The following TMEM200A variants were observed in gnomAD, a reference collection of about 807,000 sequenced individuals.
TMEM200A encodes the protein two transmembrane C.
Under a neutral mutation model 24.3 loss-of-function variants are expected in TMEM200A, and 12 were observed. The ratio of observed to expected loss-of-function variants is 0.49; its 90% CI spans 0.32 to 0.80. The LOEUF (loss-of-function observed/expected upper bound fraction) is 0.80. TMEM200A is among the 30% of genes least tolerant of loss of function. The probability of loss-of-function intolerance (pLI) is 0.04; values close to 1 mark genes in which losing one functional copy is unlikely to be tolerated. For missense variants in TMEM200A, 545 were observed against 614.4 expected, an observed-to-expected ratio of 0.89 and a Z score of 1.19; for synonymous variants, 224 against 224.4, an observed-to-expected ratio of 1.00 and a Z score of 0.02.
At chr6:130,426,037 G>A (rs761676802) in intron 2 of TMEM200A, among the ~76,000 whole-genome samples, 2 of 152,130 alleles carry the variant, frequency 1.3e-5, no homozygotes, top group African/African-American at 2.4e-5. Context: ...AGAAAACTGC[G>A]GTTGAAGTAA....
intron 1 of TMEM200A, among the ~76,000 whole-genome samples, chr6:130,373,469 T>C (rs1323621308): frequency 1.3e-5 from 2 of 152,348 alleles, no homozygotes; most frequent in East Asian, 1.9e-4. Context: ...CAACCTACTC[T>C]GTTTGCTTAA....
At chr6:130,395,189 A>G (rs769595190) in intron 2 of TMEM200A, among the ~76,000 whole-genome samples, 21 of 152,336 alleles carry the variant, frequency 1.4e-4, no homozygotes, top group Non-Finnish European at 2.6e-4. Flanking sequence ...ACACGCACAC[A>G]GAAGATTCTG....
intron 2 of TMEM200A, among the ~76,000 whole-genome samples, chr6:130,435,907 T>G (rs991717907): frequency 2.6e-5 from 4 of 152,186 alleles, no homozygotes; most frequent in African/African-American, 9.7e-5. Flanking sequence ...TATGGACAGG[T>G]GCAAGAGGCC....
intron 1 of TMEM200A, among the ~76,000 whole-genome samples, chr6:130,376,269 CAATT>C (rs1362288768): frequency 2.0e-5 from 3 of 152,082 alleles, no homozygotes; most frequent in Admixed American, 6.5e-5. Flanking sequence ...TTATCACATT[CAATT>C]AATTAATTAT....
chr6:130,372,109 C>T (rs1249647174), intron 1 of TMEM200A, among the ~76,000 whole-genome samples: 1 of 152,206 alleles, frequency 6.6e-6, no homozygotes, highest in Non-Finnish European at 1.5e-5. Context: ...AGTGAAAGAG[C>T]TGGCATGGAA....
At chr6:130,384,673 T>G (rs919704884) in intron 1 of TMEM200A, among the ~76,000 whole-genome samples, 1 of 152,238 alleles carries the variant, frequency 6.6e-6, no homozygotes, top group Non-Finnish European at 1.5e-5. Context: ...CTTCAAACTT[T>G]CCTTTGTAGT....
At chr6:130,410,787 GT>G (rs1245154684) in intron 2 of TMEM200A, among the ~76,000 whole-genome samples, 1 of 152,202 alleles carries the variant, frequency 6.6e-6, no homozygotes, top group Non-Finnish European at 1.5e-5. Flanking sequence ...TTAAGAATAA[GT>G]TGTCAGTGTT....
intron 1 of TMEM200A, among the ~76,000 whole-genome samples, chr6:130,380,297 C>G (rs1778564291): frequency 6.6e-6 from 1 of 152,186 alleles, no homozygotes; most frequent in South Asian, 2.1e-4. Context: ...ACTGTCAACT[C>G]CATTGCTGCC....
chr6:130,411,233 G>A (rs1236019323), intron 2 of TMEM200A, among the ~76,000 whole-genome samples: 4 of 151,842 alleles, frequency 2.6e-5, no homozygotes, highest in African/African-American at 9.7e-5. Context: ...ACCAGTAGTT[G>A]ACTGTGTTGG....
In TMEM200A at chr6:130,440,938, G is replaced by A. The variant is rs143602233; in HGVS notation, c.516G>A (p.Thr172=). Residue 172 remains threonine (T), a synonymous_variant, in exon 3 of 3, where the codon ACG becomes ACA. Transcript: ENST00000296978. ...ATTCCACAGTCATTGACATTCACACGCTAAGAATCAAGGAGCAAAGGCAAA... is the reference window on the plus strand; with the variant it reads ...ATTCCACAGTCATTGACATTCACACACTAAGAATCAAGGAGCAAAGGCAAA... The part of the protein sequence containing the change: ...DIYSTVIDIH[T]LRIKEQRQMN... 31 of 1,613,850 alleles carry A rather than the reference G, an allele frequency of 1.9e-5. No individual in the cohort carries two copies. Among genetic ancestry groups the A allele is most frequent in the South Asian group, 8.8e-5 (8 of 91,084 alleles).
chr6:130,424,906 G>A (rs891683255), intron 2 of TMEM200A, among the ~76,000 whole-genome samples: 6 of 151,830 alleles, frequency 4.0e-5, no homozygotes, highest in Non-Finnish European at 7.4e-5. Context: ...TGATTTTCCC[G>A]GCTGGGAATT....
intron 1 of TMEM200A, among the ~76,000 whole-genome samples, chr6:130,377,573 G>A (rs1255952323): frequency 6.6e-6 from 1 of 152,156 alleles, no homozygotes. Flanking sequence ...ATTGACTTCA[G>A]AGTACAGTGA....
chr6:130,391,943 C>T (rs1317677750), intron 2 of TMEM200A, among the ~76,000 whole-genome samples: 1 of 151,970 alleles, frequency 6.6e-6, no homozygotes, highest in Non-Finnish European at 1.5e-5. Flanking sequence ...CAAAGTTTCA[C>T]CGCGTTAGCC....
At chr6:130,408,758 A>C (rs1779264516) in intron 2 of TMEM200A, among the ~76,000 whole-genome samples, 1 of 152,150 alleles carries the variant, frequency 6.6e-6, no homozygotes, top group Non-Finnish European at 1.5e-5. Context: ...TAGTAGAATG[A>C]TATGAAAAGA....
At chr6:130,435,215 G>A (rs911194752) in intron 2 of TMEM200A, among the ~76,000 whole-genome samples, 2 of 151,968 alleles carry the variant, frequency 1.3e-5, no homozygotes, top group South Asian at 2.1e-4. Flanking sequence ...GAATTCCTGG[G>A]CTTAAGCAAT....
At position 130,441,637 on chromosome 6, in the gene TMEM200A, C is replaced by G; in HGVS notation, c.1215C>G (p.Ser405=). 1 of 1,614,052 alleles carries G rather than the reference C, an allele frequency of 6.2e-7. No homozygotes were observed. Among genetic ancestry groups the G allele is most frequent in the Non-Finnish European group, 8.5e-7 (1 of 1,180,010 alleles). The change falls in exon 3 of 3, where the codon TCC becomes TCG. Residue 405 remains serine (S), a synonymous_variant. Transcript: ENST00000296978. ...CCTTGGACTTAGACCGGGGTCCCTC[C>G]ACTCTAACTGTTCAGGCAGAACAAC... is the stretch of plus-strand genomic sequence containing the variant. ...SKSLDLDRGP[S]TLTVQAEQRK...
intron 2 of TMEM200A, among the ~76,000 whole-genome samples, chr6:130,427,157 A>C (rs552702702): frequency 4.6e-5 from 7 of 152,212 alleles, no homozygotes; most frequent in Non-Finnish European, 1.0e-4. Context: ...AGGCTTCAAC[A>C]TCCTTTTTTG....
At chr6:130,409,049 G>C (rs898909205) in intron 2 of TMEM200A, among the ~76,000 whole-genome samples, 1 of 152,236 alleles carries the variant, frequency 6.6e-6, no homozygotes, top group Non-Finnish European at 1.5e-5. Context: ...GTCCTTGTTT[G>C]ATACTTTCTC....
chr6:130,374,570 C>T (rs997043879), intron 1 of TMEM200A, among the ~76,000 whole-genome samples: 2 of 152,000 alleles, frequency 1.3e-5, no homozygotes, highest in African/African-American at 4.8e-5. Flanking sequence ...GGCACACCAC[C>T]ACGCCAGGCT....
Sources: gnomAD v4.1 joint callset for allele counts (sites outside exome capture counted in the v4.1 genomes callset) on GRCh38, gnomAD v4.1.1 for gene constraint, MANE v1.5 for transcripts, NCBI Gene and HGNC (gene_info 2026-07-23, HGNC 2026-07-21) for gene names.